NAPB: variants seen among roughly 807,000 people sequenced by gnomAD.
The protein encoded by NAPB is beta-soluble NSF attachment protein.
A neutral mutation model predicts 44.7 loss-of-function variants in NAPB; 26 were observed. The observed-to-expected ratio is 0.58, with a 90% CI of 0.43 to 0.81. The LOEUF is 0.81. NAPB is among the 30% of genes least tolerant of loss of function. NAPB has a pLI of 0.00. For missense variants in NAPB, 315 were observed against 356.4 expected (o/e 0.88, Z 0.94); for synonymous variants, 120 against 116.8 (o/e 1.03, Z -0.18).
chr20:23,378,870 G>C lies in NAPB; in HGVS notation c.786+575C>G, dbSNP rs1273442602. On this transcript the variant is annotated intron_variant, in intron 10 of 10. Transcript: ENST00000377026. ...AGTCTCGCTCTGTCACCAGGCTGGA[G>C]TGCAGTGGTGCAATCTCAGCTCACT... The C allele has an allele frequency of 6.2e-5, 7 of 112,052 alleles. 1 individual carries two copies. Among genetic ancestry groups the C allele is most frequent in the African/African-American group, 2.3e-4 (7 of 30,380 alleles). The allele number at this position is 112,052 out of a possible 1,614,324, so 6.9% of individuals were successfully genotyped here. A position where few individuals can be genotyped will look rare whatever the true frequency, so the allele number is the denominator to read the frequency against.
At chr20:23,391,460 C>T (rs968887619) in intron 5 of NAPB, among the ~76,000 whole-genome samples, 33 of 152,262 alleles carry the variant, frequency 2.2e-4, no homozygotes, top group African/African-American at 7.2e-4. Context: ...GGTTTGTAGA[C>T]GGTGGTAGAC....
chr20:23,417,229 G>A (rs540440638), intron 1 of NAPB, among the ~76,000 whole-genome samples: 34 of 152,110 alleles, frequency 2.2e-4, no homozygotes, highest in Non-Finnish European at 4.3e-4. Context: ...TATTACAGGC[G>A]CCCGCCACCA....
chr20:23,404,087 A>C (rs1985061483), intron 1 of NAPB, among the ~76,000 whole-genome samples: 1 of 152,224 alleles, frequency 6.6e-6, no homozygotes, highest in South Asian at 2.1e-4. Flanking sequence ...GACAGCTTTA[A>C]GCTACTTGGA....
chr20:23,381,479 G>C (rs1209899403), intron 7 of NAPB, among the ~76,000 whole-genome samples, 162 bp from the exon 8 acceptor site: 2 of 152,054 alleles, frequency 1.3e-5, no homozygotes, highest in South Asian at 4.1e-4. Flanking sequence ...AATTTTACTA[G>C]ACAAGACCAT....
chr20:23,393,105 C>T (rs1466752614), intron 5 of NAPB, among the ~76,000 whole-genome samples: 1 of 152,084 alleles, frequency 6.6e-6, no homozygotes, highest in Non-Finnish European at 1.5e-5. Flanking sequence ...AATAAATACC[C>T]CAGCCACACC....
intron 7 of NAPB, among the ~76,000 whole-genome samples, chr20:23,385,343 A>G (rs950062581): frequency 1.3e-5 from 2 of 152,226 alleles, no homozygotes; most frequent in African/African-American, 4.8e-5. Flanking sequence ...TCCAGCAAGA[A>G]TAGCAATCCA....
At chr20:23,389,574 T>C (rs1983800479) in intron 7 of NAPB, among the ~76,000 whole-genome samples, 1 of 152,164 alleles carries the variant, frequency 6.6e-6, no homozygotes. Flanking sequence ...ATACTGACAT[T>C]TGCTATGACA....
At chr20:23,390,596 A>G (rs1257666056) in intron 5 of NAPB, among the ~76,000 whole-genome samples, 4 of 152,232 alleles carry the variant, frequency 2.6e-5, no homozygotes, top group African/African-American at 9.6e-5. Flanking sequence ...CTTGGGCCAT[A>G]TATCTCACTT....
chr20:23,391,673 G>A (rs1473723957), intron 5 of NAPB, among the ~76,000 whole-genome samples: 1 of 152,188 alleles, frequency 6.6e-6, no homozygotes, highest in African/African-American at 2.4e-5. Context: ...CCATACACAA[G>A]ATATAAATGA....
chr20:23,384,606 A>G (rs972931984), intron 7 of NAPB, among the ~76,000 whole-genome samples: 1 of 151,954 alleles, frequency 6.6e-6, no homozygotes, highest in African/African-American at 2.4e-5. Context: ...TGGGTGACAG[A>G]GTGAGACCCA....
chr20:23,396,804 T>C (rs1011337132), intron 3 of NAPB: 7 of 212,662 alleles, frequency 3.3e-5, no homozygotes, highest in African/African-American at 1.6e-4. Flanking sequence ...AAAAATTCTC[T>C]AAAATGCAAT....
At chr20:23,400,802 C>T (rs1452321834) in intron 2 of NAPB, among the ~76,000 whole-genome samples, 1 of 152,088 alleles carries the variant, frequency 6.6e-6, no homozygotes, top group African/African-American at 2.4e-5. Flanking sequence ...ATACTGAGCA[C>T]CTATGACTTT....
chr20:23,376,746 A>C lies in NAPB; in HGVS notation c.*630T>G, dbSNP rs1469089148. 1.3e-5 allele frequency: 2 copies of C among 152,208 alleles called. No individual in the cohort carries two copies. Among genetic ancestry groups the C allele is most frequent in the Non-Finnish European group, 2.9e-5 (2 of 68,044 alleles). The allele number at this position is 152,208 out of a possible 1,614,324, so 9.4% of individuals were successfully genotyped here. Reference sequence around the variant, plus strand: ...CACTTTGACACTCATCCATACATGAAGCAAGTACTTCCAGAAAGCTCCCTT... The same window carrying C: ...CACTTTGACACTCATCCATACATGACGCAAGTACTTCCAGAAAGCTCCCTT... On this transcript the variant is annotated 3_prime_UTR_variant, in exon 11 of 11. Transcript: ENST00000377026.
chr20:23,399,547 T>C (rs970699555), intron 2 of NAPB, among the ~76,000 whole-genome samples: 20 of 152,182 alleles, frequency 1.3e-4, no homozygotes, highest in Non-Finnish European at 1.5e-5. Context: ...TACACTAAGG[T>C]ATTTTGTTAT....
chr20:23,383,735 C>T (rs1380109389), intron 7 of NAPB, among the ~76,000 whole-genome samples: 2 of 152,156 alleles, frequency 1.3e-5, no homozygotes, highest in Non-Finnish European at 2.9e-5. Flanking sequence ...AATCTTGGAA[C>T]ATCCAGAAGA....
At chr20:23,381,348 A>C (rs745737653) in intron 7 of NAPB, 31 bp from the exon 8 acceptor site, 1 of 1,405,678 alleles carries the variant, frequency 7.1e-7, no homozygotes, top group African/African-American at 1.5e-5. Context: ...TAAATTTAAA[A>C]GATTTACCCT....
chr20:23,377,371 A>G lies in NAPB; in HGVS notation c.*5T>C. On this transcript the variant is annotated 3_prime_UTR_variant, in exon 11 of 11. Transcript: ENST00000377026. ...TTAGCTGCATGCCACAAAGACAAAA[A>G]CATTTCATTTTAGGTCTCCATCTCC... The G allele has an allele frequency of 6.4e-7, 1 of 1,574,718 alleles. No individual in the cohort carries two copies. The highest frequency in any genetic ancestry group is 1.2e-5 in the South Asian group (1 of 86,184).
chr20:23,377,661 CA>C (rs1206749492), intron 10 of NAPB, among the ~76,000 whole-genome samples, 175 bp from the exon 11 acceptor site: 6 of 152,084 alleles, frequency 3.9e-5, no homozygotes, highest in African/African-American at 9.7e-5. Context: ...TTTATTTTTT[CA>C]TTATCCTGTT....
In NAPB at chr20:23,421,471, T is replaced by G. The variant is rs964883264; in HGVS notation, c.-69A>C. The G allele has an allele frequency of 7.1e-7, 1 of 1,405,220 alleles. No individual in the cohort carries two copies. Among genetic ancestry groups the G allele is most frequent in the East Asian group, 2.7e-5 (1 of 37,050 alleles). The allele number at this position is 1,405,220 out of a possible 1,614,324, so 87.0% of individuals were successfully genotyped here. A position where few individuals can be genotyped will look rare whatever the true frequency, so the allele number is the denominator to read the frequency against. The stretch of plus-strand genomic sequence containing the variant: ...TGCGCCCAGGCGCCTTAACCCTCCC[T>G]CTGGCGGCCGCAGGGACGCAGGCGC... On this transcript the variant is annotated 5_prime_UTR_variant, in exon 1 of 11. Coordinates refer to ENST00000377026, the MANE Select transcript of NAPB (RefSeq NM_022080.3).
Sources: gnomAD v4.1 joint callset for allele counts (sites outside exome capture counted in the v4.1 genomes callset) on GRCh38, gnomAD v4.1.1 for gene constraint, MANE v1.5 for transcripts, NCBI Gene and HGNC (gene_info 2026-07-23, HGNC 2026-07-21) for gene names.